The following BAZ2B variants were observed in gnomAD, a reference collection of about 807,000 sequenced individuals.
BAZ2B encodes bromodomain adjacent to zinc finger domain protein 2B.
In BAZ2B, 91 loss-of-function variants were observed where a neutral mutation model predicts 246.0. The observed-to-expected ratio is 0.37, with a 90% confidence interval of 0.31 to 0.44. BAZ2B has a LOEUF of 0.44. Ranked by LOEUF, BAZ2B falls within the 20% of genes least tolerant of loss-of-function variation. BAZ2B has a pLI of 1.00. For synonymous variants in BAZ2B, 855 were observed against 860.0 expected (o/e 0.99, Z 0.10); for missense variants, 2,332 against 2,533.7 (o/e 0.92, Z 1.71).
chr2:159,410,062 G>T (rs187237216), intron 14 of BAZ2B, among the ~76,000 whole-genome samples: 1 of 151,972 alleles, frequency 6.6e-6, no homozygotes, highest in African/African-American at 2.4e-5. Flanking sequence ...AATTAGATAC[G>T]GCAAATATCC....
chr2:159,431,149 A>G lies in BAZ2B; in HGVS notation c.1908T>C (p.Asp636=), dbSNP rs1193734768. The part of the protein sequence containing the change: ...DESDDSQSES[D]SNSESDTEGS... ...CTTCTGTATCTGATTCTGAATTACT[A>G]TCTGATTCTGGGAAGTAAAAGAAGC... is the stretch of plus-strand genomic sequence containing the variant. Residue 636 remains aspartate (D), a synonymous_variant, in exon 10 of 37, where the codon GAT becomes GAC. Transcript: ENST00000392783. 1 of 1,602,988 alleles carries G rather than the reference A, an allele frequency of 6.2e-7. No homozygotes were observed. Among genetic ancestry groups the G allele is most frequent in the Non-Finnish European group, 8.5e-7 (1 of 1,173,472 alleles).
chr2:159,699,935 C>T, the BAZ2B span, among the ~76,000 whole-genome samples: 379 of 152,214 alleles, frequency 2.5e-3, 2 homozygotes, highest in African/African-American at 8.7e-3. Flanking sequence ...TTTGTTGCTG[C>T]TTCCTCTAGA....
the BAZ2B span, chr2:159,694,424 T>C: frequency 6.6e-6 from 1 of 152,108 alleles, no homozygotes. Flanking sequence ...CAAACACCAC[T>C]ATCTAGTTGC....
the BAZ2B span, among the ~76,000 whole-genome samples, chr2:159,675,612 C>A: frequency 1.3e-5 from 2 of 152,312 alleles, no homozygotes; most frequent in East Asian, 3.9e-4. Context: ...AAATAATGTA[C>A]AGAAAATGAT....
At chr2:159,504,163 T>A (rs997325963) in intron 2 of BAZ2B, among the ~76,000 whole-genome samples, 25 of 152,088 alleles carry the variant, frequency 1.6e-4, no homozygotes, top group Middle Eastern at 6.8e-3. Context: ...TTTATTTTTT[T>A]AATTTATTAT....
At chr2:159,656,107 T>C in the BAZ2B span, among the ~76,000 whole-genome samples, 1 of 152,166 alleles carries the variant, frequency 6.6e-6, no homozygotes, top group Non-Finnish European at 1.5e-5. Flanking sequence ...TTTAGTAACT[T>C]GCCTGGACTT....
rs541003533 is a variant in BAZ2B at position 159,388,197 on chromosome 2, T to C, written c.3216+1148A>G. ...AATCATTATTTGCAAATCATTTGAA[T>C]ATTGCATATAAGTAAATACATATCC... is the stretch of plus-strand genomic sequence containing the variant. On this transcript the variant is annotated intron_variant, in intron 21 of 36. Coordinates refer to ENST00000392783, the MANE Select transcript of BAZ2B (RefSeq NM_013450.4). Among the ~76,000 whole-genome samples the C allele has an allele frequency of 2.0e-5, 3 of 152,188 alleles. No homozygotes were observed. In the East Asian group the frequency reaches 5.8e-4, roughly 29 times the overall value.
At chr2:159,653,761 A>G in the BAZ2B span, among the ~76,000 whole-genome samples, 3 of 152,212 alleles carry the variant, frequency 2.0e-5, no homozygotes, top group Admixed American at 2.0e-4. Flanking sequence ...TAATGGAATT[A>G]TTGACAAACT....
chr2:159,398,695 C>A, intron 18 of BAZ2B, 134 bp downstream of exon 18: 1 of 728,208 alleles, frequency 1.4e-6, no homozygotes, highest in South Asian at 2.0e-5. Flanking sequence ...ATACACTATA[C>A]ACATGTAGTA....
intron 18 of BAZ2B, chr2:159,398,342 T>C (rs1207136435): frequency 2.6e-5 from 4 of 152,248 alleles, no homozygotes; most frequent in Admixed American, 1.3e-4. Context: ...TAACAGTTGA[T>C]GAAGTTTGGC....
At position 159,355,700 on chromosome 2, in the gene BAZ2B, G is replaced by T. The variant is rs543091281; in HGVS notation, c.4214-5343C>A. Among the ~76,000 whole-genome samples the T allele has an allele frequency of 2.6e-5, 4 of 152,304 alleles. No homozygotes were observed. The East Asian group carries it at 7.7e-4, about 29-fold the overall frequency. On this transcript the variant is annotated intron_variant, in intron 27 of 36. Transcript: ENST00000392783. ...AAAACAGTGAACTTCTTCCAGGCAA[G>T]ATGGCTGAATAGGAACAGTTCCGGT...
intron 2 of BAZ2B, among the ~76,000 whole-genome samples, chr2:159,496,738 G>A (rs1226177680): frequency 3.0e-5 from 4 of 133,512 alleles, no homozygotes; most frequent in Non-Finnish European, 6.1e-5. Flanking sequence ...AGCCAAGATC[G>A]CGCCATTGCA....
chr2:159,378,419 T>C (rs538908245), intron 25 of BAZ2B, among the ~76,000 whole-genome samples: 1 of 152,090 alleles, frequency 6.6e-6, no homozygotes, highest in Non-Finnish European at 1.5e-5. Flanking sequence ...GAATATGACA[T>C]GAAAAACACA....
chr2:159,462,412 T>G, intron 3 of BAZ2B: 1 of 1,274,904 alleles, frequency 7.8e-7, no homozygotes, highest in Admixed American at 1.7e-5. Flanking sequence ...CTGCATTTCT[T>G]TGCTAATGTT....
intron 1 of BAZ2B, among the ~76,000 whole-genome samples, chr2:159,565,304 A>G (rs2090274269): frequency 6.6e-6 from 1 of 152,212 alleles, no homozygotes; most frequent in South Asian, 2.1e-4. Flanking sequence ...ACTCTGACGG[A>G]GTATTGCTCT....
At chr2:159,419,345 A>C (rs998287547) in intron 13 of BAZ2B, among the ~76,000 whole-genome samples, 4 of 152,020 alleles carry the variant, frequency 2.6e-5, no homozygotes, top group African/African-American at 9.7e-5. Flanking sequence ...TTGACAATTC[A>C]CATAAAAAAA....
Position 159,386,593 on chromosome 2 carries a change from C to A in BAZ2B, c.3231G>T (p.Leu1077Phe), listed in dbSNP as rs865919174. 1 of 1,601,518 alleles carries A rather than the reference C, an allele frequency of 6.2e-7. No homozygotes were observed. The highest frequency in any genetic ancestry group is 1.1e-5 in the South Asian group (1 of 88,218). Residue 1077 changes from leucine to phenylalanine, a missense_variant, in exon 22 of 37, where the codon TTG (leucine) becomes TTT (phenylalanine). By Grantham distance (22) the Leu-to-Phe change is conservative. Around this residue, in one of 9 missense-constraint regions of BAZ2B, gnomAD observed 328 missense variants for 410.4 expected, o/e 0.80. Coordinates refer to ENST00000392783, the MANE Select transcript of BAZ2B (RefSeq NM_013450.4). ...AGAGAACAAGTCCTGGAATACGAGG[C>A]AACTCTGGCAAAGGCTGAAAATAAA... ...CLADQKPLPELPRIPGLVLSG... is the reference protein window; with the variant it reads ...CLADQKPLPEFPRIPGLVLSG...
intron 1 of BAZ2B, among the ~76,000 whole-genome samples, chr2:159,569,825 A>AT (rs1442191546): frequency 1.3e-5 from 2 of 152,098 alleles, no homozygotes; most frequent in Non-Finnish European, 2.9e-5. Context: ...AGCCTGTCTC[A>AT]TAAAAAAAAA....
chr2:159,634,184 GA>G, the BAZ2B span, among the ~76,000 whole-genome samples: 1 of 152,210 alleles, frequency 6.6e-6, no homozygotes, highest in Non-Finnish European at 1.5e-5. Flanking sequence ...CACAGTGTGA[GA>G]ATATTCTAGT....
Sources: gnomAD v4.1 joint callset for allele counts (sites outside exome capture counted in the v4.1 genomes callset) on GRCh38, gnomAD v4.1.1 for gene constraint, gnomAD v4.1.1 regional missense constraint, MANE v1.5 for transcripts, NCBI Gene and HGNC (gene_info 2026-07-23, HGNC 2026-07-21) for gene names.